Variants in L3MBTL4 observed in about 807,000 individuals in gnomAD.
L3MBTL4 encodes the protein lethal(3)malignant brain tumor-like protein 4.
A neutral mutation model predicts 84.5 loss-of-function variants in L3MBTL4; 70 were observed. The ratio of observed to expected loss-of-function variants is 0.83; its 90% CI spans 0.68 to 1.01. The LOEUF is 1.01. L3MBTL4 is among the 50% of genes least tolerant of loss of function. L3MBTL4 has a pLI of 0.00. For missense variants in L3MBTL4, 715 were observed against 754.8 expected, an observed-to-expected ratio of 0.95 and a Z score of 0.62; for synonymous variants, 274 against 259.8, an observed-to-expected ratio of 1.05 and a Z score of -0.52.
intron 4 of L3MBTL4, among the ~76,000 whole-genome samples, chr18:6,269,381 C>T (rs1294503199): frequency 1.3e-5 from 2 of 151,872 alleles, no homozygotes; most frequent in African/African-American, 4.8e-5. Flanking sequence ...GGCGTGAACC[C>T]GGGAAGGAGA....
chr18:6,252,433 C>A (rs58823508), intron 5 of L3MBTL4, among the ~76,000 whole-genome samples: 13,023 of 151,810 alleles, frequency 0.086, 1,807 homozygotes, highest in African/African-American at 0.29. Flanking sequence ...TCAAAAAAAA[C>A]ACAGCTATTT....
chr18:6,224,302 G>A (rs2046684638), intron 10 of L3MBTL4, among the ~76,000 whole-genome samples: 1 of 152,150 alleles, frequency 6.6e-6, no homozygotes. Flanking sequence ...ACATAAATCT[G>A]TTAACATAAG....
At chr18:6,166,375 A>C (rs2043657520) in intron 13 of L3MBTL4, among the ~76,000 whole-genome samples, 1 of 152,106 alleles carries the variant, frequency 6.6e-6, no homozygotes, top group Non-Finnish European at 1.5e-5. Flanking sequence ...CAGAATATAC[A>C]TTTTTTTCAG....
chr18:6,320,419 G>A (rs572202457), intron 1 of L3MBTL4, among the ~76,000 whole-genome samples: 14 of 152,088 alleles, frequency 9.2e-5, no homozygotes, highest in African/African-American at 2.2e-4. Flanking sequence ...AAATTAATTC[G>A]GTAAAGTCTC....
At chr18:6,032,283 TAA>T (rs56241623) in intron 16 of L3MBTL4, 111,537 of 873,344 alleles carry the variant, frequency 0.13, 9 homozygotes, top group Non-Finnish European at 0.14. Flanking sequence ...GGCCTTAAAT[TAA>T]AAAAAAAAAA....
At chr18:6,369,521 T>C (rs1163297315) in intron 1 of L3MBTL4, among the ~76,000 whole-genome samples, 1 of 152,082 alleles carries the variant, frequency 6.6e-6, no homozygotes, top group Admixed American at 6.5e-5. Flanking sequence ...GGGATCACTC[T>C]ATACAAGGGA....
At chr18:6,093,334 C>A (rs1598725787) in intron 15 of L3MBTL4, 21 bp downstream of exon 15, 2 of 1,577,516 alleles carry the variant, frequency 1.3e-6, no homozygotes, top group East Asian at 4.5e-5. Flanking sequence ...TTCTGGCTCA[C>A]ATTTTTAAGA....
intron 15 of L3MBTL4, among the ~76,000 whole-genome samples, chr18:6,092,606 T>C (rs903769801): frequency 6.6e-6 from 1 of 152,246 alleles, no homozygotes; most frequent in Admixed American, 6.5e-5. Context: ...TCTCTCTGTC[T>C]AGCCTTTCTT....
chr18:6,302,718 C>G (rs2050396644), intron 3 of L3MBTL4, among the ~76,000 whole-genome samples: 1 of 152,206 alleles, frequency 6.6e-6, no homozygotes, highest in Non-Finnish European at 1.5e-5. Context: ...GCCACAGTGG[C>G]TCACACCTGT....
At chr18:6,090,327 A>C (rs2058400812) in intron 15 of L3MBTL4, among the ~76,000 whole-genome samples, 1 of 152,136 alleles carries the variant, frequency 6.6e-6, no homozygotes, top group Non-Finnish European at 1.5e-5. Flanking sequence ...TGTGAACATA[A>C]ATAGACTATT....
chr18:6,139,873 T>C (rs1738403009), intron 13 of L3MBTL4, among the ~76,000 whole-genome samples: 1 of 152,132 alleles, frequency 6.6e-6, no homozygotes, highest in African/African-American at 2.4e-5. Context: ...GGGCTTCCAC[T>C]ATCTGCCCAC....
rs577163 is a variant in L3MBTL4, at chr18:6,170,412, G to C, written c.1096+1416C>G. Among the ~76,000 whole-genome samples the C allele has an allele frequency of 1.8e-3, 272 of 152,282 alleles. 1 individual carries two copies. Among genetic ancestry groups the C allele is most frequent in the Middle Eastern group, 0.01 (3 of 294 alleles). ...TGTATAATTAAGAAAGAACCAGCAG[G>C]ACACTTGGTGACTGTTTATATGTGT... is the stretch of plus-strand genomic sequence containing the variant. On this transcript the variant is annotated intron_variant, in intron 13 of 18. Coordinates refer to ENST00000317931, the MANE Select transcript of L3MBTL4 (RefSeq NM_001330559.2).
chr18:6,159,245 G>T, intron 13 of L3MBTL4, among the ~76,000 whole-genome samples: 1 of 152,128 alleles, frequency 6.6e-6, no homozygotes, highest in East Asian at 1.9e-4. Flanking sequence ...TCACTGGCTG[G>T]GTTACCCACT....
chr18:6,074,287 A>G (rs1185710997), intron 16 of L3MBTL4, among the ~76,000 whole-genome samples: 4 of 152,202 alleles, frequency 2.6e-5, no homozygotes. Context: ...TTTCACTTCC[A>G]GTGTTATCCC....
chr18:6,172,081 T>C, intron 12 of L3MBTL4, 139 bp from the exon 13 acceptor site: 1 of 523,758 alleles, frequency 1.9e-6, no homozygotes, highest in Non-Finnish European at 3.4e-6. Context: ...TAATATTTAA[T>C]ATGTGCCATT....
intron 4 of L3MBTL4, among the ~76,000 whole-genome samples, chr18:6,297,231 A>T (rs182727776): frequency 1.2e-3 from 176 of 152,312 alleles, no homozygotes; most frequent in South Asian, 5.4e-3. Context: ...TAAGAAACTT[A>T]GATGCTACTG....
At chr18:6,033,154 T>C (rs1171314048) in intron 16 of L3MBTL4, among the ~76,000 whole-genome samples, 3 of 152,242 alleles carry the variant, frequency 2.0e-5, no homozygotes, top group Non-Finnish European at 4.4e-5. Context: ...TATGTTTTGA[T>C]GGTCTGTTAT....
Position 5,956,066 on chromosome 18 carries a change from A to T in L3MBTL4, c.*154T>A, listed in dbSNP as rs1321420337. 1.4e-6 allele frequency: 1 copy of T among 703,734 alleles called. No individual in the cohort carries two copies. The highest frequency in any genetic ancestry group is 1.8e-5 in the African/African-American group (1 of 56,234). 43.6% of individuals were successfully genotyped at this position (703,734 alleles called of 1,614,324 possible). ...CATTGGCACTGGACCAGTCATCAAA[A>T]TCCTCTAAACATGTAAACAAATCAC... On this transcript the variant is annotated 3_prime_UTR_variant, in exon 19 of 19. Transcript: ENST00000317931.
chr18:6,343,180 T>A (rs2052694990), intron 1 of L3MBTL4, among the ~76,000 whole-genome samples: 1 of 152,154 alleles, frequency 6.6e-6, no homozygotes, highest in Non-Finnish European at 1.5e-5. Flanking sequence ...CAACCCCTAC[T>A]TCCTCCAGAC....
Sources: gnomAD v4.1 joint callset for allele counts (sites outside exome capture counted in the v4.1 genomes callset) on GRCh38, gnomAD v4.1.1 for gene constraint, MANE v1.5 for transcripts, NCBI Gene and HGNC (gene_info 2026-07-23, HGNC 2026-07-21) for gene names.